Variants in DIS3L2 observed in about 807,000 individuals in gnomAD.
The protein encoded by DIS3L2 is DIS3 like 3'-5' exoribonuclease 2.
DIS3L2 carries 34 observed loss-of-function variants against 97.5 expected under a neutral mutation model. That is an observed-to-expected ratio of 0.35 (90% CI 0.27 to 0.46). The LOEUF is 0.46. DIS3L2 is among the 20% of genes least tolerant of loss of function. The probability of loss-of-function intolerance (pLI) is 1.00; values close to 1 mark genes in which losing one functional copy is unlikely to be tolerated. For synonymous variants in DIS3L2, 435 were observed against 445.2 expected, an observed-to-expected ratio of 0.98 and a Z score of 0.29; for missense variants, 1,038 against 1,146.0, an observed-to-expected ratio of 0.91 and a Z score of 1.36.
intron 14 of DIS3L2, among the ~76,000 whole-genome samples, chr2:232,323,169 C>T (rs1416304825): frequency 1.3e-5 from 2 of 152,378 alleles, no homozygotes; most frequent in South Asian, 2.1e-4. Context: ...CTAATGACCA[C>T]GCTCTGCAAG....
chr2:232,343,692 G>A (rs904109610), exon 14 of DIS3L2: 3 of 1,140,252 alleles, frequency 2.6e-6, no homozygotes, highest in Non-Finnish European at 3.7e-6. Context: ...GCTGGATGTG[G>A]GTGCTGATTT....
chr2:231,971,095 T>G (rs1692892598), intron 1 of DIS3L2, among the ~76,000 whole-genome samples: 1 of 152,198 alleles, frequency 6.6e-6, no homozygotes, highest in Non-Finnish European at 1.5e-5. Context: ...CCAGTAACAG[T>G]GCCTTCTTCT....
At chr2:232,035,404 G>A (rs1261659983) in intron 5 of DIS3L2, among the ~76,000 whole-genome samples, 4 of 152,116 alleles carry the variant, frequency 2.6e-5, no homozygotes, top group Non-Finnish European at 5.9e-5. Context: ...CTGCACGTGA[G>A]ATGGCTCTCC....
In DIS3L2 at chr2:232,336,661, G is replaced by A. The variant is rs1289643886; in HGVS notation, c.*31G>A. The A allele has an allele frequency of 9.7e-6, 15 of 1,545,878 alleles. No homozygotes were observed. Among genetic ancestry groups the A allele is most frequent in the South Asian group, 4.7e-5 (4 of 84,256 alleles). ...ACCAGCCGCCTGCCCCGCCTGCCCC[G>A]CCTGCCTGTCCCGCCACACTGGCTT... On this transcript the variant is annotated 3_prime_UTR_variant, in exon 21 of 21. Coordinates refer to ENST00000325385, the MANE Select transcript of DIS3L2 (RefSeq NM_152383.5).
chr2:232,077,987 TTCTTTC>T (rs1178230540), intron 5 of DIS3L2, among the ~76,000 whole-genome samples: 8 of 143,190 alleles, frequency 5.6e-5, no homozygotes, highest in Non-Finnish European at 9.0e-5. Flanking sequence ...CTTTCTTTCT[TTCTTTC>T]TTTCTTTCTT....
chr2:232,095,360 G>A (rs1258426307), intron 6 of DIS3L2, among the ~76,000 whole-genome samples: 2 of 152,080 alleles, frequency 1.3e-5, no homozygotes, highest in Admixed American at 1.3e-4. Context: ...TATTACAGAT[G>A]CTATCCTTTA....
At chr2:232,220,160 T>TGC (rs1559160952) in intron 10 of DIS3L2, among the ~76,000 whole-genome samples, 4 of 135,418 alleles carry the variant, frequency 3.0e-5, no homozygotes, top group African/African-American at 8.5e-5. Flanking sequence ...AATAAATAAA[T>TGC]AAGCTGGGCA....
intron 9 of DIS3L2, among the ~76,000 whole-genome samples, chr2:232,169,085 GT>G: frequency 6.6e-6 from 1 of 152,114 alleles, no homozygotes; most frequent in Non-Finnish European, 1.5e-5. Flanking sequence ...GAAGGAGGGG[GT>G]GCTTGGTGCA....
At chr2:232,132,389 T>G (rs1482242081) in intron 7 of DIS3L2, among the ~76,000 whole-genome samples, 1 of 152,174 alleles carries the variant, frequency 6.6e-6, no homozygotes, top group Non-Finnish European at 1.5e-5. Flanking sequence ...TCAGACAAGA[T>G]GGCATAGACC....
chr2:231,968,473 A>C (rs1692792709), intron 1 of DIS3L2, among the ~76,000 whole-genome samples: 1 of 152,194 alleles, frequency 6.6e-6, no homozygotes, highest in Non-Finnish European at 1.5e-5. Context: ...GAACCACACA[A>C]TATGTAGTTA....
chr2:232,176,735 T>C (rs1346345932), intron 9 of DIS3L2, among the ~76,000 whole-genome samples: 1 of 146,878 alleles, frequency 6.8e-6, no homozygotes, highest in Non-Finnish European at 1.5e-5. Context: ...ACCACAGGCA[T>C]GTGCCACCAT....
Position 232,269,466 on chromosome 2 carries a change from G to T in DIS3L2, c.1659+6026G>T, listed in dbSNP as rs962464843. Among the ~76,000 whole-genome samples the T allele has an allele frequency of 2.6e-5, 4 of 152,228 alleles. No individual in the cohort carries two copies. The highest frequency in any genetic ancestry group is 1.3e-4 in the Admixed American group (2 of 15,294). On this transcript the variant is annotated intron_variant, in intron 13 of 20. Transcript: ENST00000325385. This position sits in a 1 kb window ranked among gnomAD's most constrained non-coding sequence, Gnocchi z 4.5. ...GTAGAATCATTCTGTTTTCTTAGTC[G>T]TAGAGCTTTTCTATAAATAATATAG... is the stretch of plus-strand genomic sequence containing the variant.
intron 10 of DIS3L2, among the ~76,000 whole-genome samples, chr2:232,211,394 C>T (rs1692187584): frequency 6.6e-6 from 1 of 152,230 alleles, no homozygotes; most frequent in African/African-American, 2.4e-5. Context: ...GATCCATCCA[C>T]CTCAGCTTCC....
At chr2:232,175,834 A>G (rs975632212) in intron 9 of DIS3L2, among the ~76,000 whole-genome samples, 35 of 151,872 alleles carry the variant, frequency 2.3e-4, no homozygotes, top group Non-Finnish European at 8.8e-5. Flanking sequence ...CTTTTTTCTT[A>G]TAGATCTATT....
intron 12 of DIS3L2, 149 bp downstream of exon 12, chr2:232,249,495 C>G (rs1369648282): frequency 3.4e-6 from 3 of 886,966 alleles, no homozygotes; most frequent in East Asian, 5.3e-5. Context: ...ATGTCAGAGT[C>G]CCTGCCTCGG....
At chr2:232,252,428 G>A (rs1438286259) in intron 12 of DIS3L2, among the ~76,000 whole-genome samples, 1 of 152,112 alleles carries the variant, frequency 6.6e-6, no homozygotes, top group Non-Finnish European at 1.5e-5. Flanking sequence ...AAAAGAAAAA[G>A]AAAAAGAAGA....
At chr2:232,342,975 G>A in intron 13 of DIS3L2, 1 of 178,782 alleles carries the variant, frequency 5.6e-6, no homozygotes, top group Non-Finnish European at 1.2e-5. Flanking sequence ...GATTTCAAGG[G>A]CTGATAGGAG....
chr2:232,042,727 G>C (rs1653261457), intron 5 of DIS3L2, among the ~76,000 whole-genome samples: 1 of 152,206 alleles, frequency 6.6e-6, no homozygotes, highest in Admixed American at 6.5e-5. Flanking sequence ...ATTGTTTAAG[G>C]ATAGAGTAGC....
At chr2:232,113,718 A>C (rs1697613381) in intron 6 of DIS3L2, among the ~76,000 whole-genome samples, 2 of 152,234 alleles carry the variant, frequency 1.3e-5, no homozygotes. Flanking sequence ...ATCCTTGTTC[A>C]TTCCTGGGAG....
Sources: gnomAD v4.1 joint callset for allele counts (sites outside exome capture counted in the v4.1 genomes callset) on GRCh38, gnomAD v4.1.1 for gene constraint, Gnocchi (gnomAD v3.1) non-coding constraint, MANE v1.5 for transcripts, NCBI Gene and HGNC (gene_info 2026-07-23, HGNC 2026-07-21) for gene names.